SCAI: variants seen among roughly 807,000 people sequenced by gnomAD.
The protein encoded by SCAI is protein SCAI.
Under a neutral mutation model 92.2 loss-of-function variants are expected in SCAI, and 24 were observed. That is an observed-to-expected ratio of 0.26 (90% CI 0.19 to 0.37). The LOEUF (loss-of-function observed/expected upper bound fraction) is 0.37. SCAI is among the 10% of genes least tolerant of loss of function. SCAI has a pLI of 1.00. For missense variants in SCAI, 450 were observed against 736.2 expected, an observed-to-expected ratio of 0.61 and a Z score of 4.50; for synonymous variants, 261 against 258.6, an observed-to-expected ratio of 1.01 and a Z score of -0.09.
At chr9:125,096,609 T>C (rs557181189) in intron 2 of SCAI, among the ~76,000 whole-genome samples, 69 of 152,158 alleles carry the variant, frequency 4.5e-4, no homozygotes, top group Non-Finnish European at 7.8e-4. Context: ...CCTCTTCCTG[T>C]CCCCAGTCCT....
At chr9:124,995,111 T>C (rs970424108) in intron 13 of SCAI, 96 bp from the exon 14 acceptor site, 12 of 812,174 alleles carry the variant, frequency 1.5e-5, no homozygotes, top group Non-Finnish European at 1.8e-5. Context: ...CTTTGCATCA[T>C]AGCACTGAGA....
chr9:125,102,442 C>T (rs1292374620), intron 2 of SCAI, among the ~76,000 whole-genome samples: 1 of 152,058 alleles, frequency 6.6e-6, no homozygotes, highest in Non-Finnish European at 1.5e-5. Context: ...TCATAAAGAT[C>T]AGCTGCTCCT....
At chr9:125,074,056 G>C (rs910902143) in intron 2 of SCAI, among the ~76,000 whole-genome samples, 1 of 151,432 alleles carries the variant, frequency 6.6e-6, no homozygotes, top group East Asian at 2.0e-4. Flanking sequence ...TCAAGAGATC[G>C]AGACCGTCCT....
At chr9:125,050,965 GA>G (rs1833549885) in intron 3 of SCAI, among the ~76,000 whole-genome samples, 1 of 152,148 alleles carries the variant, frequency 6.6e-6, no homozygotes, top group Admixed American at 6.5e-5. Flanking sequence ...AGCATTCAGA[GA>G]AGATATATAG....
chr9:125,056,896 C>CACATAT (rs1172031263), intron 2 of SCAI, among the ~76,000 whole-genome samples: 1 of 152,168 alleles, frequency 6.6e-6, no homozygotes, highest in Non-Finnish European at 1.5e-5. Flanking sequence ...ATCACACACA[C>CACATAT]ACATATACAT....
In SCAI at chr9:125,137,469, G is replaced by C. The variant is rs187547982; in HGVS notation, c.98+5164C>G. 3.1e-3 allele frequency among the ~76,000 whole-genome samples: 465 copies of C among 152,324 alleles called. 10 individuals carry two copies. Among genetic ancestry groups the C allele is most frequent in the Non-Finnish European group, 7.2e-4 (49 of 68,032 alleles). On this transcript the variant is annotated intron_variant, in intron 2 of 17. Transcript: ENST00000336505. ...GAACAAAACACGTATAGTCCCCACA[G>C]TGTACGCATCCCTCTTTACCTCTGA... is the stretch of plus-strand genomic sequence containing the variant.
In SCAI at chr9:125,014,179, G is replaced by C. The variant is rs917022835; in HGVS notation, c.861+4620C>G. ...AACACAGTGTTGGAAGTTCTGGCCA[G>C]GGCAATTATGCAGGAGAAGGAAATA... is the stretch of plus-strand genomic sequence containing the variant. On this transcript the variant is annotated intron_variant, in intron 9 of 17. Coordinates refer to ENST00000336505, the MANE Select transcript of SCAI (RefSeq NM_001144877.3). 4.6e-5 allele frequency among the ~76,000 whole-genome samples: 7 copies of C among 152,146 alleles called. No individual in the cohort carries two copies. In the South Asian group the frequency reaches 6.2e-4, roughly 14 times the overall value.
Position 124,976,133 on chromosome 9 carries a change from T to C in SCAI, c.1380A>G (p.Ala460=). 1 of 1,612,082 alleles carries C rather than the reference T, an allele frequency of 6.2e-7. No homozygotes were observed. Among genetic ancestry groups the C allele is most frequent in the Non-Finnish European group, 8.5e-7 (1 of 1,178,126 alleles). ...QPLVCLLSPT[A]YPKALQDQSQ... ...ACATACCTTGTAAAGCTTTTGGATA[T>C]GCTGTAGGAGAAAGCAAGCAGACTA... The change falls in exon 15 of 18, where the codon GCA becomes GCG. Residue 460 remains alanine (A), a synonymous_variant. Transcript: ENST00000336505.
chr9:125,069,481 C>A (rs887412195), intron 2 of SCAI, among the ~76,000 whole-genome samples: 2 of 150,994 alleles, frequency 1.3e-5, no homozygotes, highest in African/African-American at 4.9e-5. Context: ...CCACGCCCGG[C>A]TAATATTTTT....
intron 3 of SCAI, among the ~76,000 whole-genome samples, chr9:125,054,689 T>G (rs1036052904): frequency 6.6e-6 from 1 of 152,126 alleles, no homozygotes; most frequent in African/African-American, 2.4e-5. Flanking sequence ...CACAATTAAT[T>G]TATAAAGCCA....
At chr9:125,004,108 G>A (rs139785230) in intron 9 of SCAI, among the ~76,000 whole-genome samples, 34 of 152,144 alleles carry the variant, frequency 2.2e-4, no homozygotes, top group African/African-American at 6.7e-4. Flanking sequence ...CCCAGGAGGC[G>A]GAGGTTGCAA....
chr9:124,989,058 G>A (rs906130424), intron 14 of SCAI, among the ~76,000 whole-genome samples: 3 of 152,192 alleles, frequency 2.0e-5, no homozygotes, highest in African/African-American at 7.2e-5. Flanking sequence ...AGAATCTCCT[G>A]AACCTGGGTG....
chr9:124,971,106 C>T (rs1419365524), intron 17 of SCAI, among the ~76,000 whole-genome samples: 1 of 152,124 alleles, frequency 6.6e-6, no homozygotes, highest in African/African-American at 2.4e-5. Context: ...GGAGCCACCA[C>T]GGCCAGCCAG....
intron 2 of SCAI, among the ~76,000 whole-genome samples, chr9:125,059,912 T>C (rs1426846446): frequency 6.6e-6 from 1 of 152,168 alleles, no homozygotes; most frequent in African/African-American, 2.4e-5. Context: ...TACACGCTAT[T>C]CCCCTGGCCT....
At chr9:125,041,336 T>G (rs1312876050) in intron 3 of SCAI, among the ~76,000 whole-genome samples, 2 of 152,210 alleles carry the variant, frequency 1.3e-5, no homozygotes, top group Non-Finnish European at 2.9e-5. Context: ...TGTAAGTTGC[T>G]GCTAGAAACT....
intron 3 of SCAI, among the ~76,000 whole-genome samples, chr9:125,045,316 TC>T (rs1351772581): frequency 6.6e-6 from 1 of 152,190 alleles, no homozygotes; most frequent in African/African-American, 2.4e-5. Context: ...TCTGCCTACC[TC>T]AGCCTCCCAA....
intron 2 of SCAI, among the ~76,000 whole-genome samples, chr9:125,069,036 T>C (rs1253941492): frequency 6.6e-6 from 1 of 151,742 alleles, no homozygotes; most frequent in African/African-American, 2.4e-5. Context: ...GTCAACATGG[T>C]GAAACTCCTG....
chr9:125,084,158 C>CCT lies in SCAI; in HGVS notation c.99-28152_99-28151insAG, dbSNP rs1224570781. On this transcript the variant is annotated intron_variant, in intron 2 of 17. Transcript: ENST00000336505. ...ATATGAACAGGACTCTTGGCTGCTG[C>CCT]TTTTTTTTTTTTTTTTTTTTTTTTT... Among the ~76,000 whole-genome samples, 421 of 65,144 alleles carry CCT rather than the reference C, an allele frequency of 6.5e-3. 9 individuals carry two copies. The highest frequency in any genetic ancestry group is 0.026 in the African/African-American group (392 of 15,272). The allele number at this position is 65,144 out of a possible 152,430, so 42.7% of individuals were successfully genotyped here. A position where few individuals can be genotyped will look rare whatever the true frequency, so the allele number is the denominator to read the frequency against.
chr9:125,039,520 C>A (rs1344151036), intron 3 of SCAI, among the ~76,000 whole-genome samples: 1 of 152,092 alleles, frequency 6.6e-6, no homozygotes, highest in Non-Finnish European at 1.5e-5. Flanking sequence ...ACTTTTGCTG[C>A]ATAACAAGCC....
Sources: gnomAD v4.1 joint callset for allele counts (sites outside exome capture counted in the v4.1 genomes callset) on GRCh38, gnomAD v4.1.1 for gene constraint, MANE v1.5 for transcripts, NCBI Gene and HGNC (gene_info 2026-07-23, HGNC 2026-07-21) for gene names.